The following UBE2O variants were observed in gnomAD, a reference collection of about 807,000 sequenced individuals.
UBE2O encodes (E3-independent) E2 ubiquitin-conjugating enzyme.
Under a neutral mutation model 125.8 loss-of-function variants are expected in UBE2O, and 15 were observed. The ratio of observed to expected loss-of-function variants is 0.12; its 90% CI spans 0.08 to 0.18. UBE2O has a LOEUF of 0.18. UBE2O is among the 10% of genes least tolerant of loss of function. UBE2O has a pLI of 1.00. For synonymous variants in UBE2O, 708 were observed against 703.2 expected, an observed-to-expected ratio of 1.01 and a Z score of -0.11; for missense variants, 1,280 against 1,723.6, an observed-to-expected ratio of 0.74 and a Z score of 4.56.
chr17:76,405,112 G>T lies in UBE2O; in HGVS notation c.588+94C>A. 1.1e-6 allele frequency: 1 copy of T among 934,232 alleles called. No individual in the cohort carries two copies. 57.9% of individuals were successfully genotyped at this position (934,232 alleles called of 1,614,324 possible). ...CTTCTGACCCAGGAAGGCTGTGCTT[G>T]GCAAGAGCACGGAGGAGGCTGTAGC... On this transcript the variant is annotated intron_variant, in intron 3 of 17. Transcript: ENST00000319380. This position sits in a 1 kb window ranked among gnomAD's most constrained non-coding sequence, Gnocchi z 6.1.
chr17:76,449,151 T>A (rs934544953), intron 1 of UBE2O, among the ~76,000 whole-genome samples: 1 of 152,262 alleles, frequency 6.6e-6, no homozygotes, highest in Non-Finnish European at 1.5e-5. Flanking sequence ...TCATCTCTCT[T>A]TGTAAATTTG....
Position 76,399,038 on chromosome 17 carries a change from C to A in UBE2O, c.1629-47G>T. The A allele has an allele frequency of 6.3e-7, 1 of 1,599,466 alleles. No individual in the cohort carries two copies. The highest frequency in any genetic ancestry group is 1.1e-5 in the South Asian group (1 of 89,092). ...CAGGCCATGCAAACCCCACCCCCTC[C>A]GCGGAAAGGGCAGAGAGTCTTTCTG... On this transcript the variant is annotated intron_variant, in intron 9 of 17. Transcript: ENST00000319380. This position sits in a 1 kb window ranked among gnomAD's most constrained non-coding sequence, Gnocchi z 6.9.
intron 1 of UBE2O, among the ~76,000 whole-genome samples, chr17:76,437,700 C>T (rs182924623): frequency 1.1e-4 from 17 of 152,202 alleles, no homozygotes; most frequent in African/African-American, 3.9e-4. Flanking sequence ...ATTACAGGCA[C>T]GTGCCACTGT....
intron 1 of UBE2O, chr17:76,431,039 A>C (rs977202949): frequency 3.4e-5 from 7 of 204,614 alleles, no homozygotes; most frequent in Non-Finnish European, 6.9e-5. Flanking sequence ...CAGGTGCTTG[A>C]TCTTTAGTTC....
At chr17:76,392,213 T>C (rs2072125017) in intron 15 of UBE2O, 100 bp from the exon 16 acceptor site, 2 of 717,440 alleles carry the variant, frequency 2.8e-6, no homozygotes, top group Middle Eastern at 3.9e-4. Flanking sequence ...CCCAGGACAC[T>C]GTGCAGATCA....
intron 1 of UBE2O, among the ~76,000 whole-genome samples, chr17:76,438,985 C>T (rs1367388705): frequency 1.3e-5 from 2 of 152,156 alleles, no homozygotes; most frequent in African/African-American, 2.4e-5. Context: ...TGTAAACTGC[C>T]GCCAAATCAC....
In UBE2O at chr17:76,435,399, GATACACACACACACAC is replaced by G. The variant is rs746117748; in HGVS notation, c.417+17310_417+17325del. ...CATATATTATCTGTTTAAATATACA[GATACACACACACACAC>G]ATACACACACACACACACACACACA... is the stretch of plus-strand genomic sequence containing the variant. On this transcript the variant is annotated intron_variant, in intron 1 of 17. Transcript: ENST00000319380. Among the ~76,000 whole-genome samples, 169 of 115,484 alleles carry G rather than the reference GATACACACACACACAC, an allele frequency of 1.5e-3. 1 individual carries two copies. Among genetic ancestry groups the G allele is most frequent in the South Asian group, 5.4e-3 (17 of 3,136 alleles). 75.8% of individuals were successfully genotyped at this position (115,484 alleles called of 152,430 possible).
chr17:76,444,032 C>T (rs1232547950), intron 1 of UBE2O, among the ~76,000 whole-genome samples: 1 of 152,012 alleles, frequency 6.6e-6, no homozygotes, highest in Non-Finnish European at 1.5e-5. Flanking sequence ...ACCAGCCTGA[C>T]CAATATGGTG....
rs1299490956 is a variant in UBE2O, at chr17:76,391,265, T to G, written c.3557A>C (p.Glu1186Ala). 1.2e-6 allele frequency: 2 copies of G among 1,612,984 alleles called. No homozygotes were observed. Among genetic ancestry groups the G allele is most frequent in the Non-Finnish European group, 1.7e-6 (2 of 1,179,908 alleles). The part of the protein sequence containing the change: ...ELSDSGQQEP[E>A]DGGPAPGEAS... ...CTCTCCTGGGGCTGGCCCTCCATCC[T>G]CAGGTTCTTGTTGGCCGGAGTCTGA... Residue 1186 changes from glutamate (E) to alanine (A), a missense_variant, in exon 18 of 18, where the codon GAG becomes GCG. Physicochemically the swap from Glu to Ala is moderately radical, Grantham distance 107. This residue lies in a region of UBE2O where 233 missense variants were observed against 279.0 expected (regional missense o/e 0.84). Transcript: ENST00000319380. The surrounding 1 kb of genome is among the most constrained non-coding windows in gnomAD (Gnocchi z 8.4).
At chr17:76,426,513 A>G (rs1248807542) in intron 1 of UBE2O, among the ~76,000 whole-genome samples, 1 of 152,156 alleles carries the variant, frequency 6.6e-6, no homozygotes, top group Non-Finnish European at 1.5e-5. Context: ...TCTTTCTTTT[A>G]GACAAATGAC....
intron 1 of UBE2O, among the ~76,000 whole-genome samples, chr17:76,411,127 C>T (rs978823120): frequency 6.6e-6 from 1 of 152,138 alleles, no homozygotes; most frequent in African/African-American, 2.4e-5. Context: ...AATACTCCCA[C>T]CTGTCTCCTG....
chr17:76,444,235 A>G (rs1050496616), intron 1 of UBE2O, among the ~76,000 whole-genome samples: 2 of 151,848 alleles, frequency 1.3e-5, no homozygotes, highest in Admixed American at 1.3e-4. Context: ...ACAAAGCAAA[A>G]CAAAACAAAA....
intron 1 of UBE2O, among the ~76,000 whole-genome samples, chr17:76,443,981 G>A (rs145419133): frequency 2.0e-5 from 3 of 152,360 alleles, no homozygotes; most frequent in African/African-American, 7.2e-5. Context: ...AGCACTTTGG[G>A]AAGCTGAGGC....
At chr17:76,435,417 T>TACACACACACACACAC (rs59781051) in intron 1 of UBE2O, among the ~76,000 whole-genome samples, 28 of 96,320 alleles carry the variant, frequency 2.9e-4, no homozygotes, top group South Asian at 6.8e-4. Context: ...CACACACACA[T>TACACACACACACACAC]ACACACACAC....
chr17:76,419,091 C>T (rs1245598809), intron 1 of UBE2O, among the ~76,000 whole-genome samples: 2 of 150,692 alleles, frequency 1.3e-5, no homozygotes, highest in African/African-American at 4.9e-5. Flanking sequence ...GAGAACCAGC[C>T]TGGGCAACCT....
chr17:76,396,748 G>C lies in UBE2O; in HGVS notation c.2189C>G (p.Ser730Cys). 6.2e-7 allele frequency: 1 copy of C among 1,613,910 alleles called. No individual in the cohort carries two copies. Among genetic ancestry groups the C allele is most frequent in the Non-Finnish European group, 8.5e-7 (1 of 1,179,904 alleles). Residue 730 changes from serine (S) to cysteine (C), a missense_variant, in exon 14 of 18, where the codon TCC becomes TGC. Ser to Cys is a moderately radical substitution (Grantham distance 112). Around this residue, in one of 10 missense-constraint regions of UBE2O, gnomAD observed 210 missense variants for 268.9 expected, o/e 0.78. Coordinates refer to ENST00000319380, the MANE Select transcript of UBE2O (RefSeq NM_022066.4). This position sits in a 1 kb window ranked among gnomAD's most constrained non-coding sequence, Gnocchi z 6.7. ...ACTATCATCTTCCCATTCATCCGAG[G>C]ATGCCCCGCTGGTGCTGCCTTCTAC... ...DSVEGSTSGA[S>C]SDEWEDDSDS...
intron 15 of UBE2O, among the ~76,000 whole-genome samples, chr17:76,393,586 C>T (rs764821937): frequency 2.0e-5 from 3 of 152,140 alleles, no homozygotes; most frequent in Non-Finnish European, 4.4e-5. Flanking sequence ...CCTGCTCCAA[C>T]CCTTATCCCC....
At chr17:76,424,249 C>T (rs2072764804) in intron 1 of UBE2O, among the ~76,000 whole-genome samples, 1 of 107,406 alleles carries the variant, frequency 9.3e-6, no homozygotes, top group Non-Finnish European at 1.9e-5. Context: ...ACTTTTGTTG[C>T]CCAGCCTGGA....
At chr17:76,423,967 G>C (rs1484307472) in intron 1 of UBE2O, among the ~76,000 whole-genome samples, 1 of 140,300 alleles carries the variant, frequency 7.1e-6, no homozygotes, top group African/African-American at 2.6e-5. Flanking sequence ...TAGTGCAGCG[G>C]CGCGATCTTG....
Sources: gnomAD v4.1 joint callset for allele counts (sites outside exome capture counted in the v4.1 genomes callset) on GRCh38, gnomAD v4.1.1 for gene constraint, gnomAD v4.1.1 regional missense constraint, Gnocchi (gnomAD v3.1) non-coding constraint, MANE v1.5 for transcripts, NCBI Gene and HGNC (gene_info 2026-07-23, HGNC 2026-07-21) for gene names.